The following DLC1 variants were observed in gnomAD, a reference collection of about 807,000 sequenced individuals.
DLC1 encodes DLC1 Rho GTPase activating protein, also known as rho GTPase-activating protein 7.
Under a neutral mutation model 140.3 loss-of-function variants are expected in DLC1, and 54 were observed. The ratio of observed to expected loss-of-function variants is 0.38; its 90% CI spans 0.31 to 0.48. DLC1 has a LOEUF of 0.48. Among genes scored for constraint, DLC1 ranks in the 20% least tolerant of loss-of-function variants. DLC1 has a pLI of 0.96. For synonymous variants in DLC1, 986 were observed against 728.1 expected (o/e 1.35, Z -5.70); for missense variants, 2,536 against 1,907.0 (o/e 1.33, Z -6.14).
intron 2 of DLC1, among the ~76,000 whole-genome samples, chr8:13,480,539 A>G (rs1489091817): frequency 1.3e-5 from 2 of 152,216 alleles, no homozygotes; most frequent in African/African-American, 4.8e-5. Context: ...TGGTCTTTGA[A>G]TCTTTATCCT....
At chr8:13,389,084 T>C (rs917660200) in intron 4 of DLC1, among the ~76,000 whole-genome samples, 2 of 152,096 alleles carry the variant, frequency 1.3e-5, no homozygotes, top group African/African-American at 4.8e-5. Context: ...TTCTACACAG[T>C]AGAATGCTAG....
chr8:13,092,789 G>C lies in DLC1; in HGVS notation c.3563C>G (p.Ala1188Gly), dbSNP rs1440860086. ...PKDQRLQAIK[A>G]AIMLLPDENR... ...CTCGTCAGGCAGCAGCATGATGGCA[G>C]CCTTGATGGCCTGCAGGCGCTGGTC... The change falls in exon 13 of 18, where the codon GCT becomes GGT. Residue 1188 changes from alanine to glycine, a missense_variant. By Grantham distance (60) the Ala-to-Gly change is moderately conservative (BLOSUM62 0). Coordinates refer to ENST00000276297, the MANE Select transcript of DLC1 (RefSeq NM_182643.3). The C allele has an allele frequency of 6.2e-7, 1 of 1,613,894 alleles. No homozygotes were observed. Among genetic ancestry groups the C allele is most frequent in the African/African-American group, 1.3e-5 (1 of 74,910 alleles).
chr8:13,256,466 C>A (rs1170757951), intron 5 of DLC1, among the ~76,000 whole-genome samples: 1 of 152,060 alleles, frequency 6.6e-6, no homozygotes, highest in Non-Finnish European at 1.5e-5. Context: ...GACTTGGAAC[C>A]AACTCAAATG....
intron 4 of DLC1, among the ~76,000 whole-genome samples, chr8:13,388,021 A>T (rs1257293326): frequency 6.6e-6 from 1 of 152,048 alleles, no homozygotes; most frequent in Non-Finnish European, 1.5e-5. Flanking sequence ...TATATAAAAT[A>T]TGTAAAACCA....
chr8:13,284,656 C>G (rs948602578), intron 5 of DLC1, among the ~76,000 whole-genome samples: 1 of 148,252 alleles, frequency 6.7e-6, no homozygotes, highest in Non-Finnish European at 1.5e-5. Context: ...AATCTCTAGT[C>G]AGATCAACTA....
At chr8:13,143,221 A>G (rs1823145597) in intron 5 of DLC1, among the ~76,000 whole-genome samples, 1 of 152,186 alleles carries the variant, frequency 6.6e-6, no homozygotes. Flanking sequence ...AGCACTGACC[A>G]TATACTAAAC....
chr8:13,305,318 C>T lies in DLC1; in HGVS notation c.1315-16G>A, dbSNP rs372213294. The T allele has an allele frequency of 4.4e-6, 7 of 1,577,280 alleles. No individual in the cohort carries two copies. The Admixed American group carries it at 1.1e-4, about 25-fold the overall frequency. On this transcript the variant is annotated splice_polypyrimidine_tract_variant and intron_variant, in intron 4 of 17. Transcript: ENST00000276297. Reference sequence around the variant, plus strand: ...CTTGAATAGCCTGAAAAAAAAGACACAAAAATTGTGGTATTATTAGGAAGA... The same window carrying T: ...CTTGAATAGCCTGAAAAAAAAGACATAAAAATTGTGGTATTATTAGGAAGA...
chr8:13,492,751 C>T (rs908655547), intron 2 of DLC1, among the ~76,000 whole-genome samples: 1 of 152,134 alleles, frequency 6.6e-6, no homozygotes, highest in Non-Finnish European at 1.5e-5. Context: ...AGACGCTATA[C>T]CTAGCGTTTT....
intron 5 of DLC1, among the ~76,000 whole-genome samples, chr8:13,182,720 G>A (rs1475501206): frequency 6.6e-6 from 1 of 152,140 alleles, no homozygotes; most frequent in African/African-American, 2.4e-5. Flanking sequence ...TTTGGTTACT[G>A]TAGCCTTGTA....
At chr8:13,429,179 T>A (rs1370396883) in intron 2 of DLC1, among the ~76,000 whole-genome samples, 1 of 152,236 alleles carries the variant, frequency 6.6e-6, no homozygotes, top group Non-Finnish European at 1.5e-5. Context: ...ACACTGTGGT[T>A]CTTTTTAGCA....
intron 5 of DLC1, among the ~76,000 whole-genome samples, chr8:13,206,136 A>C (rs1014516978): frequency 6.6e-6 from 1 of 152,184 alleles, no homozygotes; most frequent in Non-Finnish European, 1.5e-5. Flanking sequence ...TAGTTATGTA[A>C]CACCCAATTA....
chr8:13,342,919 A>T (rs1429512327), intron 4 of DLC1, among the ~76,000 whole-genome samples: 2 of 151,732 alleles, frequency 1.3e-5, no homozygotes, highest in Non-Finnish European at 1.5e-5. Flanking sequence ...AACATACATC[A>T]ATGACAAGAC....
At chr8:13,475,835 A>G (rs573612060) in intron 2 of DLC1, among the ~76,000 whole-genome samples, 1 of 152,340 alleles carries the variant, frequency 6.6e-6, no homozygotes, top group African/African-American at 2.4e-5. Context: ...TATGCATGCC[A>G]TCTTGGAAAA....
intron 5 of DLC1, among the ~76,000 whole-genome samples, chr8:13,270,715 A>G (rs884059): frequency 0.44 from 66,917 of 151,930 alleles, 15,134 homozygotes; most frequent in East Asian, 0.79. Context: ...TCCATTTGCC[A>G]TTGACATTTT....
At chr8:13,260,588 A>C (rs1462774956) in intron 5 of DLC1, among the ~76,000 whole-genome samples, 1 of 152,204 alleles carries the variant, frequency 6.6e-6, no homozygotes, top group Admixed American at 6.5e-5. Context: ...GAAATATAGA[A>C]ATAGAGTTTA....
chr8:13,462,772 C>T (rs1159271399), intron 2 of DLC1, among the ~76,000 whole-genome samples: 1 of 152,116 alleles, frequency 6.6e-6, no homozygotes, highest in Non-Finnish European at 1.5e-5. Flanking sequence ...CTAAGTTAAA[C>T]AGCTTTTGGA....
chr8:13,536,823 C>T (rs1803301806), intron 1 of DLC1, among the ~76,000 whole-genome samples: 1 of 152,102 alleles, frequency 6.6e-6, no homozygotes. Flanking sequence ...AATCTCCTTC[C>T]TTTTAATCCT....
chr8:13,554,407 T>A (rs1450386680), intron 1 of DLC1, among the ~76,000 whole-genome samples: 1 of 152,134 alleles, frequency 6.6e-6, no homozygotes, highest in East Asian at 1.9e-4. Context: ...CCTTCTAGGT[T>A]CCTCCCCTTG....
In DLC1 at chr8:13,170,934, A is replaced by C. The variant is rs1825433300; in HGVS notation, c.1349-55277T>G. 2.6e-5 allele frequency among the ~76,000 whole-genome samples: 4 copies of C among 152,198 alleles called. No individual in the cohort carries two copies. The South Asian group carries it at 8.3e-4, about 32-fold the overall frequency. On this transcript the variant is annotated intron_variant, in intron 5 of 17. Coordinates refer to ENST00000276297, the MANE Select transcript of DLC1 (RefSeq NM_182643.3). ...ACCTTGCATGATCTTGCTCAAAAGT[A>C]TTGAAATCCTCAAGAGACCACTTTG...
Sources: gnomAD v4.1 joint callset for allele counts (sites outside exome capture counted in the v4.1 genomes callset) on GRCh38, gnomAD v4.1.1 for gene constraint, MANE v1.5 for transcripts, NCBI Gene and HGNC (gene_info 2026-07-23, HGNC 2026-07-21) for gene names.